VAV1: variants seen among roughly 807,000 people sequenced by gnomAD.
The protein encoded by VAV1 is proto-oncogene vav.
In VAV1, 33 loss-of-function variants were observed where a neutral mutation model predicts 128.1. That is an observed-to-expected ratio of 0.26 (90% CI 0.20 to 0.34). VAV1 has a LOEUF of 0.34. Ranked by LOEUF, VAV1 falls within the 10% of genes least tolerant of loss-of-function variation. The pLI is 1.00. For missense variants in VAV1, 715 were observed against 1,093.7 expected (o/e 0.65, Z 4.88); for synonymous variants, 394 against 409.8 (o/e 0.96, Z 0.47).
intron 1 of VAV1, among the ~76,000 whole-genome samples, chr19:6,796,322 G>A (rs1266387308): frequency 2.0e-5 from 3 of 149,244 alleles, no homozygotes; most frequent in South Asian, 4.2e-4. Flanking sequence ...TAGGGACCCC[G>A]GGAGATATGG....
rs1448587699 is a variant in VAV1, at chr19:6,804,741, T to G, written c.205-15961T>G. On this transcript the variant is annotated intron_variant, in intron 1 of 26. Coordinates refer to ENST00000602142, the MANE Select transcript of VAV1 (RefSeq NM_005428.4). ...CCATACCTCCTTTTTTTTTTTTTTT[T>G]GAGACGGAGTCTTGCTCTGTCGCAC... is the stretch of plus-strand genomic sequence containing the variant. 2.4e-5 allele frequency among the ~76,000 whole-genome samples: 3 copies of G among 126,898 alleles called. No individual in the cohort carries two copies. The East Asian group carries it at 7.4e-4, about 31-fold the overall frequency. 83.3% of individuals were successfully genotyped at this position (126,898 alleles called of 152,430 possible).
rs1197729272 is a variant in VAV1, at chr19:6,854,000, C to T, written c.2386C>T (p.Arg796Ter). The change falls in exon 26 of 27, where the codon CGA becomes TGA. Residue 796 changes from arginine to a stop codon, truncating the protein, a stop_gained. Transcript: ENST00000602142. LOFTEE classifies it high-confidence loss of function. ...TAKARYDFCA[R>*]DRSELSLKEG... ...CAAAGCCCGCTATGACTTCTGCGCCCGAGACCGATCAGAGCTGTCGCTCAA... is the reference window on the plus strand; with the variant it reads ...CAAAGCCCGCTATGACTTCTGCGCCTGAGACCGATCAGAGCTGTCGCTCAA... 1 of 1,613,786 alleles carries T rather than the reference C, an allele frequency of 6.2e-7. No individual in the cohort carries two copies.
rs59104898 is a variant in VAV1, at chr19:6,776,405, T to TATCCATCC, written c.204+3428_204+3435dup. 3.6e-3 allele frequency among the ~76,000 whole-genome samples: 314 copies of TATCCATCC among 87,716 alleles called. 2 individuals are homozygous for TATCCATCC. The highest frequency in any genetic ancestry group is 5.0e-3 in the Non-Finnish European group (217 of 43,306). The allele number at this position is 87,716 out of a possible 152,430, so 57.5% of individuals were successfully genotyped here. ...CCATCTACCCATCCACCCACCCATCTATCCATCCATCCATCCATCCATCCA... is the reference window on the plus strand; with the variant it reads ...CCATCTACCCATCCACCCACCCATCTATCCATCCATCCATCCATCCATCCATCCATCCA... On this transcript the variant is annotated intron_variant, in intron 1 of 26. Transcript: ENST00000602142.
intron 1 of VAV1, among the ~76,000 whole-genome samples, chr19:6,782,676 T>G (rs1429714281): frequency 6.6e-6 from 1 of 151,982 alleles, no homozygotes; most frequent in Admixed American, 6.6e-5. Context: ...GGCCAGGAGT[T>G]TGAGACTAGC....
intron 1 of VAV1, among the ~76,000 whole-genome samples, chr19:6,797,746 A>G: frequency 6.7e-6 from 1 of 149,774 alleles, no homozygotes; most frequent in Non-Finnish European, 1.5e-5. Flanking sequence ...CTCCGTCTAA[A>G]AAAAAAAAAA....
intron 1 of VAV1, among the ~76,000 whole-genome samples, chr19:6,803,415 G>A (rs970404860): frequency 2.0e-5 from 3 of 152,168 alleles, no homozygotes; most frequent in Admixed American, 6.5e-5. Flanking sequence ...TGGCACACTG[G>A]TGGGCATGTC....
chr19:6,795,373 C>T lies in VAV1; in HGVS notation c.204+22362C>T, dbSNP rs114652290. On this transcript the variant is annotated intron_variant, in intron 1 of 26. Transcript: ENST00000602142. ...CCTTCTCTGAACTCTGTGTATCGCT[C>T]GCGAAATAGGAGCCCTACTTCATTG... Among the ~76,000 whole-genome samples the T allele has an allele frequency of 3.4e-3, 522 of 152,156 alleles. 3 individuals carry two copies. The highest frequency in any genetic ancestry group is 0.012 in the African/African-American group (493 of 41,506).
chr19:6,837,486 G>A (rs768082124), intron 21 of VAV1, among the ~76,000 whole-genome samples: 3 of 151,724 alleles, frequency 2.0e-5, no homozygotes, highest in Non-Finnish European at 2.9e-5. Flanking sequence ...TGGACCCCTC[G>A]CTCTTCATGA....
intron 1 of VAV1, among the ~76,000 whole-genome samples, chr19:6,797,135 G>A (rs908657884): frequency 2.6e-5 from 4 of 151,680 alleles, no homozygotes; most frequent in African/African-American, 4.8e-5. Flanking sequence ...AGGAGGCTGA[G>A]GCAGGAGAAT....
At chr19:6,834,550 T>A (rs1439104955) in intron 19 of VAV1, among the ~76,000 whole-genome samples, 1 of 147,968 alleles carries the variant, frequency 6.8e-6, no homozygotes, top group African/African-American at 2.5e-5. Flanking sequence ...GCCTTAATTT[T>A]AAAAAATTTA....
At chr19:6,852,620 C>A (rs905223152) in intron 24 of VAV1, among the ~76,000 whole-genome samples, 5 of 151,632 alleles carry the variant, frequency 3.3e-5, no homozygotes, top group Non-Finnish European at 7.4e-5. Flanking sequence ...ACTCGGGAGG[C>A]TGAGGCAGGA....
At chr19:6,843,815 T>G (rs1433865656) in intron 22 of VAV1, among the ~76,000 whole-genome samples, 1 of 152,082 alleles carries the variant, frequency 6.6e-6, no homozygotes, top group East Asian at 1.9e-4. Context: ...GGTTGTTTTT[T>G]TTTTCTTCTT....
intron 1 of VAV1, among the ~76,000 whole-genome samples, chr19:6,795,253 T>C (rs1971106391): frequency 6.6e-6 from 1 of 151,726 alleles, no homozygotes; most frequent in Admixed American, 6.6e-5. Context: ...GCCTGGGAAA[T>C]GTAGTTGTCT....
chr19:6,854,249 A>G lies in VAV1; in HGVS notation c.2484+151A>G, dbSNP rs576342920. The G allele has an allele frequency of 4.2e-5, 42 of 1,008,788 alleles. No homozygotes were observed. In the East Asian group the frequency reaches 4.4e-4, roughly 11 times the overall value. 62.5% of individuals were successfully genotyped at this position (1,008,788 alleles called of 1,614,324 possible). ...AGGAAGGGACACAGGGATGTCATTT[A>G]TGCATTTATGCAACCTACCTGCATG... On this transcript the variant is annotated intron_variant, in intron 26 of 26. Transcript: ENST00000602142.
intron 24 of VAV1, 73 bp downstream of exon 24, chr19:6,850,830 AC>A (rs927271193): frequency 6.6e-7 from 1 of 1,513,486 alleles, no homozygotes; most frequent in Non-Finnish European, 9.1e-7. Context: ...CCGCCTTGGG[AC>A]CCCCTTTTCC....
At chr19:6,856,977 G>A (rs1268527341) in intron 26 of VAV1, 77 bp from the exon 27 acceptor site, 1 of 1,376,104 alleles carries the variant, frequency 7.3e-7, no homozygotes, top group Admixed American at 1.7e-5. Flanking sequence ...GAGGTGGGAG[G>A]GAGCCTGCCT....
At chr19:6,801,470 G>C (rs2617822) in intron 1 of VAV1, among the ~76,000 whole-genome samples, 2 of 151,846 alleles carry the variant, frequency 1.3e-5, no homozygotes, top group African/African-American at 4.8e-5. Flanking sequence ...CCTCACAGAA[G>C]GGTTTGAGGG....
At position 6,783,892 on chromosome 19, in the gene VAV1, A is replaced by C. The variant is rs188889223; in HGVS notation, c.204+10881A>C. Reference sequence around the variant, plus strand: ...TAGGTTGGTTGGACGCAAAGAAGTCACTGCCGTAGAACCTCAGGGTAATGC... The same window carrying C: ...TAGGTTGGTTGGACGCAAAGAAGTCCCTGCCGTAGAACCTCAGGGTAATGC... On this transcript the variant is annotated intron_variant, in intron 1 of 26. Transcript: ENST00000602142. Among the ~76,000 whole-genome samples, 5 of 152,202 alleles carry C rather than the reference A, an allele frequency of 3.3e-5. No homozygotes were observed. The East Asian group carries it at 9.7e-4, about 29-fold the overall frequency.
At chr19:6,806,778 A>G (rs1219520694) in intron 1 of VAV1, among the ~76,000 whole-genome samples, 1 of 152,238 alleles carries the variant, frequency 6.6e-6, no homozygotes, top group Non-Finnish European at 1.5e-5. Context: ...AGCCCCTCTC[A>G]GCCCATGTTG....
Sources: allele counts gnomAD v4.1 joint callset (sites outside exome capture counted in the v4.1 genomes callset), GRCh38; gene constraint gnomAD v4.1.1; transcripts MANE v1.5; gene names NCBI Gene and HGNC (gene_info 2026-07-23, HGNC 2026-07-21).